The following LDLRAD4 variants were observed in gnomAD, a reference collection of about 807,000 sequenced individuals.
LDLRAD4 encodes the protein low-density lipoprotein receptor class A domain-containing protein 4.
A neutral mutation model predicts 17.0 loss-of-function variants in LDLRAD4; 5 were observed. The observed-to-expected ratio is 0.29, with a 90% confidence interval of 0.15 to 0.62. The LOEUF (loss-of-function observed/expected upper bound fraction) is 0.62, where lower values mean the gene tolerates loss of function less well. Among genes scored for constraint, LDLRAD4 ranks in the 20% least tolerant of loss-of-function variants. LDLRAD4 has a pLI of 0.84. For synonymous variants in LDLRAD4, 168 were observed against 171.8 expected (o/e 0.98, Z 0.17); for missense variants, 340 against 424.7 (o/e 0.80, Z 1.75).
chr18:13,548,015 T>C (rs924104548), intron 3 of LDLRAD4, among the ~76,000 whole-genome samples: 1 of 152,154 alleles, frequency 6.6e-6, no homozygotes, highest in Non-Finnish European at 1.5e-5. Flanking sequence ...AGGTGCTTTA[T>C]TGAGTGACAG....
chr18:13,579,402 G>T (rs2094824744), intron 3 of LDLRAD4, among the ~76,000 whole-genome samples: 1 of 152,138 alleles, frequency 6.6e-6, no homozygotes, highest in African/African-American at 2.4e-5. Flanking sequence ...GTGTAAGTGG[G>T]CCTGTCCCTT....
intron 3 of LDLRAD4, chr18:13,489,461 C>G (rs1049793065): frequency 6.6e-6 from 1 of 152,312 alleles, no homozygotes; most frequent in African/African-American, 2.4e-5. Flanking sequence ...CCCAGTGTCA[C>G]CCATTCTTAC....
At chr18:13,229,248 C>T (rs559875482) in intron 1 of LDLRAD4, among the ~76,000 whole-genome samples, 1 of 152,334 alleles carries the variant, frequency 6.6e-6, no homozygotes, top group East Asian at 1.9e-4. Flanking sequence ...CTCAGTTATC[C>T]TTCTAGCTGT....
At chr18:13,591,902 C>T (rs1178491243) in intron 3 of LDLRAD4, among the ~76,000 whole-genome samples, 1 of 152,152 alleles carries the variant, frequency 6.6e-6, no homozygotes, top group Non-Finnish European at 1.5e-5. Flanking sequence ...GTAATTATAA[C>T]ATTTTATAGA....
intron 1 of LDLRAD4, among the ~76,000 whole-genome samples, chr18:13,327,037 C>G (rs1481816294): frequency 1.3e-5 from 2 of 152,120 alleles, no homozygotes; most frequent in Non-Finnish European, 2.9e-5. Flanking sequence ...GCATCTGGGT[C>G]TCCCTTTGCT....
intron 1 of LDLRAD4, among the ~76,000 whole-genome samples, chr18:13,347,226 T>C (rs912314888): frequency 2.0e-5 from 3 of 152,246 alleles, no homozygotes; most frequent in Admixed American, 6.5e-5. Flanking sequence ...TTCCTTTCCA[T>C]GTTTAGTGCT....
chr18:13,280,299 G>A (rs905990950), intron 1 of LDLRAD4, among the ~76,000 whole-genome samples: 1 of 152,222 alleles, frequency 6.6e-6, no homozygotes, highest in Admixed American at 6.5e-5. Flanking sequence ...ACCTTGGCAA[G>A]TCCTAACCCT....
chr18:13,560,395 T>C (rs1476842823), intron 3 of LDLRAD4, among the ~76,000 whole-genome samples: 1 of 152,194 alleles, frequency 6.6e-6, no homozygotes, highest in Non-Finnish European at 1.5e-5. Flanking sequence ...GATTCGGGTC[T>C]TTCCCCTGCA....
intron 3 of LDLRAD4, among the ~76,000 whole-genome samples, chr18:13,545,619 C>A (rs546537565): frequency 6.6e-6 from 1 of 152,302 alleles, no homozygotes; most frequent in African/African-American, 2.4e-5. Context: ...CTTCTTCTAG[C>A]AGCCGGCCAT....
chr18:13,451,609 T>C (rs1277029127), intron 3 of LDLRAD4, among the ~76,000 whole-genome samples: 1 of 152,142 alleles, frequency 6.6e-6, no homozygotes, highest in African/African-American at 2.4e-5. Flanking sequence ...CTAATACAGA[T>C]GGGATGGCTT....
Position 13,590,061 on chromosome 18 carries a change from C to T in LDLRAD4, c.182-31056C>T, listed in dbSNP as rs1269183680. Among the ~76,000 whole-genome samples the T allele has an allele frequency of 2.1e-5, 3 of 143,728 alleles. No homozygotes were observed. The East Asian group carries it at 6.2e-4, about 30-fold the overall frequency. 94.3% of individuals were successfully genotyped at this position (143,728 alleles called of 152,430 possible). A position where few individuals can be genotyped will look rare whatever the true frequency, so the allele number is the denominator to read the frequency against. On this transcript the variant is annotated intron_variant, in intron 3 of 5. Transcript: ENST00000359446. ...TGTGTGTGAGTGTGCATGTGTGTGACTGCATGTGTGTGGGTGTGCATGTGT... is the reference window on the plus strand; with the variant it reads ...TGTGTGTGAGTGTGCATGTGTGTGATTGCATGTGTGTGGGTGTGCATGTGT...
chr18:13,481,952 G>GGC (rs2093098250), intron 3 of LDLRAD4, among the ~76,000 whole-genome samples: 1 of 152,148 alleles, frequency 6.6e-6, no homozygotes, highest in Non-Finnish European at 1.5e-5. Flanking sequence ...GGCGGAGCAG[G>GGC]GCTGGAGTGG....
chr18:13,416,455 T>C (rs2088898742), intron 2 of LDLRAD4, among the ~76,000 whole-genome samples: 1 of 152,202 alleles, frequency 6.6e-6, no homozygotes, highest in Admixed American at 6.5e-5. Context: ...GGGTTCGTCA[T>C]CTCTCTGGGC....
intron 1 of LDLRAD4, among the ~76,000 whole-genome samples, chr18:13,228,839 T>C (rs371360917): frequency 1.4e-4 from 21 of 152,332 alleles, no homozygotes; most frequent in African/African-American, 5.1e-4. Flanking sequence ...AAATAATAAA[T>C]GTTGTGTATG....
Position 13,541,094 on chromosome 18 carries a change from C to T in LDLRAD4, c.182-80023C>T, listed in dbSNP as rs527434326. Among the ~76,000 whole-genome samples, 7 of 152,312 alleles carry T rather than the reference C, an allele frequency of 4.6e-5. No individual in the cohort carries two copies. In the South Asian group the frequency reaches 1.2e-3, roughly 27 times the overall value. ...GTGGCAACCCTCAGAGGCCCACACACACCTCCAAAGCCAGCCCGACCCCGC... is the reference window on the plus strand; with the variant it reads ...GTGGCAACCCTCAGAGGCCCACACATACCTCCAAAGCCAGCCCGACCCCGC... On this transcript the variant is annotated intron_variant, in intron 3 of 5. Coordinates refer to ENST00000359446, the Ensembl canonical transcript of LDLRAD4.
intron 1 of LDLRAD4, among the ~76,000 whole-genome samples, chr18:13,225,948 C>T (rs189063562): frequency 4.6e-5 from 7 of 151,906 alleles, no homozygotes; most frequent in East Asian, 1.9e-4. Context: ...AGGCTGTTAC[C>T]GGTTTTCTCT....
chr18:13,531,250 A>T (rs2147816464), intron 3 of LDLRAD4, among the ~76,000 whole-genome samples: 1 of 152,324 alleles, frequency 6.6e-6, no homozygotes, highest in Non-Finnish European at 1.5e-5. Context: ...AAGTCTGTTA[A>T]GTACGGAGAC....
chr18:13,642,901 G>T (rs2042707857), intron 4 of LDLRAD4: 1 of 418,786 alleles, frequency 2.4e-6, no homozygotes, highest in Admixed American at 4.6e-5. Context: ...TTTTTTGTTT[G>T]TTTGTTTGTT....
At chr18:13,519,363 G>A (rs140396699) in intron 3 of LDLRAD4, among the ~76,000 whole-genome samples, 43 of 152,172 alleles carry the variant, frequency 2.8e-4, no homozygotes, top group African/African-American at 1.0e-3. Flanking sequence ...GAGCCGGGGA[G>A]CTGGGGTCAG....
Sources: allele counts gnomAD v4.1 joint callset (sites outside exome capture counted in the v4.1 genomes callset), GRCh38; gene constraint gnomAD v4.1.1; transcripts MANE v1.5; gene names NCBI Gene and HGNC (gene_info 2026-07-23, HGNC 2026-07-21).